PTPRB: variants seen among roughly 807,000 people sequenced by gnomAD.
The protein encoded by PTPRB is protein tyrosine phosphatase receptor type B, also known as receptor-type tyrosine-protein phosphatase beta.
In PTPRB, 97 loss-of-function variants were observed where a neutral mutation model predicts 238.1. The observed-to-expected ratio is 0.41, with a 90% CI of 0.35 to 0.48. PTPRB has a LOEUF of 0.48. Among genes scored for constraint, PTPRB ranks in the 20% least tolerant of loss-of-function variants. The pLI is 0.30. For synonymous variants in PTPRB, 970 were observed against 995.4 expected (o/e 0.97, Z 0.48); for missense variants, 2,292 against 2,681.9 (o/e 0.85, Z 3.21).
chr12:70,597,833 A>C (rs1418501439), intron 4 of PTPRB, among the ~76,000 whole-genome samples: 1 of 152,310 alleles, frequency 6.6e-6, no homozygotes, highest in Middle Eastern at 3.4e-3. Flanking sequence ...GGCAGTTATA[A>C]ACAGACAACT....
chr12:70,576,449 G>A lies in PTPRB; in HGVS notation c.2775C>T (p.Leu925=), dbSNP rs1160680138. ...TCCTTGTAGTTATGGTCACGGTGTA[G>A]AGGCGGCCTGGGGTGAGGGAGCTGA... is the stretch of plus-strand genomic sequence containing the variant. ...CSFSSLTPGR[L]YTVTITTRSG... The change falls in exon 11 of 34, where the codon CTC becomes CTT. Residue 925 remains leucine (L), a synonymous_variant. Transcript: ENST00000334414. The A allele has an allele frequency of 1.2e-6, 2 of 1,605,652 alleles. No homozygotes were observed. The highest frequency in any genetic ancestry group is 2.7e-5 in the African/African-American group (2 of 74,828).
chr12:70,615,834 T>C (rs986377930), intron 3 of PTPRB, among the ~76,000 whole-genome samples: 1 of 152,156 alleles, frequency 6.6e-6, no homozygotes, highest in Admixed American at 6.5e-5. Flanking sequence ...TATGATAACA[T>C]TGGCTTTAAA....
At chr12:70,566,841 G>A (rs1172433680) in intron 14 of PTPRB, 137 bp from the exon 15 acceptor site, 3 of 913,180 alleles carry the variant, frequency 3.3e-6, no homozygotes, top group Non-Finnish European at 3.3e-6. Context: ...GACACTTTCT[G>A]TGTGCCCTTA....
At chr12:70,537,100 C>T (rs1565912261) in intron 28 of PTPRB, among the ~76,000 whole-genome samples, 3 of 151,958 alleles carry the variant, frequency 2.0e-5, no homozygotes, top group South Asian at 2.1e-4. Flanking sequence ...CTGGCTAACA[C>T]GGTGAAACCC....
At chr12:70,538,733 AT>A in intron 27 of PTPRB, 190 bp downstream of exon 27, 2 of 594,988 alleles carry the variant, frequency 3.4e-6, no homozygotes, top group Non-Finnish European at 6.0e-6. Context: ...CATAATCAGA[AT>A]TTAAACTGGC....
chr12:70,608,768 C>T, intron 4 of PTPRB: 1 of 359,626 alleles, frequency 2.8e-6, no homozygotes, highest in Non-Finnish European at 5.0e-6. Flanking sequence ...AAGCGTAAAC[C>T]ACATCACTTT....
At chr12:70,628,435 C>T (rs748887460) in intron 2 of PTPRB, among the ~76,000 whole-genome samples, 25 of 152,188 alleles carry the variant, frequency 1.6e-4, no homozygotes, top group Admixed American at 3.3e-4. Context: ...GCACCCTTCA[C>T]CTGAAAGTTC....
intron 15 of PTPRB, among the ~76,000 whole-genome samples, chr12:70,563,715 A>T (rs1878822128): frequency 6.6e-6 from 1 of 152,034 alleles, no homozygotes; most frequent in African/African-American, 2.4e-5. Flanking sequence ...CAGGCATCTC[A>T]AACTCAATAC....
chr12:70,559,175 G>A (rs1045196913), intron 18 of PTPRB, 168 bp downstream of exon 18: 76 of 706,068 alleles, frequency 1.1e-4, no homozygotes, highest in Non-Finnish European at 1.6e-4. Context: ...GTCCCTTGTT[G>A]TTAATGTTGA....
In PTPRB at chr12:70,596,078, G is replaced by C. The variant is rs748643646; in HGVS notation, c.1229C>G (p.Ser410Cys). 1.2e-6 allele frequency: 2 copies of C among 1,610,746 alleles called. No individual in the cohort carries two copies. Among genetic ancestry groups the C allele is most frequent in the Middle Eastern group, 1.7e-4 (1 of 6,024 alleles). Residue 410 changes from serine (S) to cysteine (C), a missense_variant, in exon 5 of 34, where the codon TCT becomes TGT. Physicochemically the swap from Ser to Cys is moderately radical, Grantham distance 112. Coordinates refer to ENST00000334414, the MANE Select transcript of PTPRB (RefSeq NM_001109754.4). ...TGATCCATTGGTATAAACTGAAAAA[G>C]AACGTTTTCCTCCAGAAACAGCTGT... ...AITAVSGGKR[S>C]FSVYTNGSTV...
rs1555234328 is a variant in PTPRB at position 70,596,340 on chromosome 12, T to TACAC, written c.980-17_980-14dup. 6.6e-5 allele frequency: 83 copies of TACAC among 1,265,346 alleles called. No individual in the cohort carries two copies. The highest frequency in any genetic ancestry group is 5.1e-4 in the African/African-American group (30 of 59,212). 78.4% of individuals were successfully genotyped at this position (1,265,346 alleles called of 1,614,324 possible). A position where few individuals can be genotyped will look rare whatever the true frequency, so the allele number is the denominator to read the frequency against. On this transcript the variant is annotated splice_polypyrimidine_tract_variant and intron_variant, in intron 4 of 33. Transcript: ENST00000334414. ...GGAGGTAAAGGATCTGCAAGGCAAA[T>TACAC]ACACACACACACACAAAAAAAAAAA... is the stretch of plus-strand genomic sequence containing the variant.
Position 70,549,276 on chromosome 12 carries a change from G to A in PTPRB, c.5387+3501C>T, listed in dbSNP as rs550670793. ...CAGAATTCTATAGCAGAAAGTTAGA[G>A]ATCATGTGGTTCAATTTCCTTCCTT... On this transcript the variant is annotated intron_variant, in intron 21 of 33. Transcript: ENST00000334414. Among the ~76,000 whole-genome samples the A allele has an allele frequency of 3.3e-5, 5 of 152,122 alleles. No homozygotes were observed. In the South Asian group the frequency reaches 1.0e-3, roughly 32 times the overall value.
At chr12:70,609,708 G>A in intron 3 of PTPRB, 1 of 1,505,050 alleles carries the variant, frequency 6.6e-7, no homozygotes, top group Non-Finnish European at 9.0e-7. Context: ...TGGGAATTTG[G>A]TTTTCGGCGG....
chr12:70,538,823 A>G (rs1050183008), intron 27 of PTPRB, 101 bp downstream of exon 27: 2 of 910,126 alleles, frequency 2.2e-6, no homozygotes, highest in Admixed American at 2.1e-5. Flanking sequence ...GATTGTCCAT[A>G]TCGAGCTATA....
intron 27 of PTPRB, 98 bp downstream of exon 27, chr12:70,538,826 G>T: frequency 3.2e-6 from 3 of 933,368 alleles, no homozygotes; most frequent in Non-Finnish European, 3.4e-6. Context: ...TGTCCATATC[G>T]AGCTATATTA....
rs139009663 is a variant in PTPRB, at chr12:70,591,577, G to C, written c.1780+705C>G. Among the ~76,000 whole-genome samples the C allele has an allele frequency of 5.3e-3, 802 of 152,204 alleles. 7 individuals are homozygous for C. Among genetic ancestry groups the C allele is most frequent in the Middle Eastern group, 0.02 (6 of 294 alleles). ...ATTAAAATGTACTATTTTTATTTTT[G>C]TACATGTGTGTATTCCACATCTGTG... On this transcript the variant is annotated intron_variant, in intron 7 of 33. Coordinates refer to ENST00000334414, the MANE Select transcript of PTPRB (RefSeq NM_001109754.4).
intron 11 of PTPRB, among the ~76,000 whole-genome samples, 193 bp from the exon 12 acceptor site, chr12:70,572,280 C>A (rs1190713087): frequency 6.6e-6 from 1 of 152,122 alleles, no homozygotes; most frequent in Non-Finnish European, 1.5e-5. Context: ...TTAAACGGAT[C>A]TTTTAACAGA....
At position 70,534,970 on chromosome 12, in the gene PTPRB, A is replaced by G. The variant is rs543467921; in HGVS notation, c.6082-15T>C. On this transcript the variant is annotated splice_polypyrimidine_tract_variant and intron_variant, in intron 29 of 33. Transcript: ENST00000334414. ...TCACACTTTACCTAGAACAGGACAG[A>G]CAGAAAAAACATGAGTCCGGAAAAG... The G allele has an allele frequency of 1.2e-5, 19 of 1,601,368 alleles. No homozygotes were observed. In the African/African-American group the frequency reaches 1.2e-4, roughly 10 times the overall value.
intron 11 of PTPRB, 137 bp from the exon 12 acceptor site, chr12:70,572,224 G>C: frequency 1.1e-6 from 1 of 909,196 alleles, no homozygotes; most frequent in Non-Finnish European, 1.7e-6. Context: ...TAGACCTTAG[G>C]TTACAAATTT....
Sources: gnomAD v4.1 joint callset for allele counts (sites outside exome capture counted in the v4.1 genomes callset) on GRCh38, gnomAD v4.1.1 for gene constraint, MANE v1.5 for transcripts, NCBI Gene and HGNC (gene_info 2026-07-23, HGNC 2026-07-21) for gene names.